Variants in NKAIN2 observed in about 807,000 individuals in gnomAD.
NKAIN2 encodes sodium/potassium-transporting ATPase subunit beta-1-interacting protein 2.
In NKAIN2, 14 loss-of-function variants were observed where a neutral mutation model predicts 32.6. The ratio of observed to expected loss-of-function variants is 0.43; its 90% CI spans 0.28 to 0.67. NKAIN2 has a LOEUF of 0.67. NKAIN2 is among the 30% of genes least tolerant of loss of function. The pLI is 0.17. For missense variants in NKAIN2, 198 were observed against 258.3 expected, an observed-to-expected ratio of 0.77 and a Z score of 1.60; for synonymous variants, 80 against 87.2, an observed-to-expected ratio of 0.92 and a Z score of 0.46.
intron 1 of NKAIN2, among the ~76,000 whole-genome samples, chr6:123,815,154 A>G (rs1226074171): frequency 3.3e-5 from 5 of 152,222 alleles, no homozygotes; most frequent in Admixed American, 2.0e-4. Flanking sequence ...AGTGGTTTTA[A>G]TAATTCAAGA....
chr6:124,322,800 T>C (rs897843696), intron 2 of NKAIN2, among the ~76,000 whole-genome samples: 3 of 152,204 alleles, frequency 2.0e-5, no homozygotes, highest in Non-Finnish European at 2.9e-5. Flanking sequence ...GCATATCATA[T>C]GGTCAGTAGG....
At chr6:124,505,583 G>A (rs909233249) in intron 3 of NKAIN2, among the ~76,000 whole-genome samples, 4 of 152,154 alleles carry the variant, frequency 2.6e-5, no homozygotes, top group African/African-American at 7.2e-5. Context: ...AAATATGTTC[G>A]AAGGTCAGTA....
intron 3 of NKAIN2, among the ~76,000 whole-genome samples, chr6:124,585,549 C>T (rs911055614): frequency 7.2e-5 from 11 of 152,044 alleles, no homozygotes; most frequent in Non-Finnish European, 1.3e-4. Context: ...ATCTCATGTA[C>T]TCTGTAAATA....
chr6:124,136,777 G>A (rs1179454063), intron 1 of NKAIN2, among the ~76,000 whole-genome samples: 1 of 152,144 alleles, frequency 6.6e-6, no homozygotes, highest in African/African-American at 2.4e-5. Flanking sequence ...CTCAATAGAT[G>A]TAGAGAAAGT....
intron 1 of NKAIN2, among the ~76,000 whole-genome samples, chr6:124,106,166 A>T (rs761943554): frequency 6.6e-6 from 1 of 152,188 alleles, no homozygotes; most frequent in Non-Finnish European, 1.5e-5. Context: ...GACTGTGTTT[A>T]AATGATTTAT....
intron 1 of NKAIN2, among the ~76,000 whole-genome samples, chr6:123,854,520 ATTAG>A (rs750138458): frequency 6.6e-6 from 1 of 152,178 alleles, no homozygotes; most frequent in African/African-American, 2.4e-5. Flanking sequence ...AATTTTTATT[ATTAG>A]TTAAATAATA....
At chr6:124,004,080 T>G (rs1779980419) in intron 1 of NKAIN2, among the ~76,000 whole-genome samples, 1 of 152,246 alleles carries the variant, frequency 6.6e-6, no homozygotes, top group Non-Finnish European at 1.5e-5. Context: ...TAGCATGTGC[T>G]AATTATTTTC....
At chr6:124,724,415 C>T (rs974990044) in intron 4 of NKAIN2, among the ~76,000 whole-genome samples, 1 of 152,210 alleles carries the variant, frequency 6.6e-6, no homozygotes, top group African/African-American at 2.4e-5. Context: ...CTCTTATTCA[C>T]CATTCAGTGC....
At position 124,476,079 on chromosome 6, in the gene NKAIN2, T is replaced by A. The variant is rs1020527336; in HGVS notation, c.273+120732T>A. On this transcript the variant is annotated intron_variant, in intron 3 of 6. Transcript: ENST00000368417. ...GAGAGAGAGAGAGTGTGTGTGTGTGTGTGTGTGTGTGTGTGTGTGCGTGCG... is the reference window on the plus strand; with the variant it reads ...GAGAGAGAGAGAGTGTGTGTGTGTGAGTGTGTGTGTGTGTGTGTGCGTGCG... Among the ~76,000 whole-genome samples the A allele has an allele frequency of 3.0e-3, 442 of 149,790 alleles. 3 individuals carry two copies. Among genetic ancestry groups the A allele is most frequent in the African/African-American group, 0.011 (432 of 39,782 alleles).
chr6:124,370,025 AAG>A (rs1414712389), intron 3 of NKAIN2, among the ~76,000 whole-genome samples: 1 of 151,668 alleles, frequency 6.6e-6, no homozygotes, highest in Non-Finnish European at 1.5e-5. Flanking sequence ...TTGGCAAAGA[AAG>A]AGCAAACAAG....
chr6:124,662,911 A>G (rs1784799168), intron 4 of NKAIN2, among the ~76,000 whole-genome samples: 1 of 152,164 alleles, frequency 6.6e-6, no homozygotes, highest in South Asian at 2.1e-4. Context: ...CACGTTTTAC[A>G]TGTTAAATCT....
At chr6:124,239,159 G>A (rs374862712) in intron 1 of NKAIN2, among the ~76,000 whole-genome samples, 184 of 152,098 alleles carry the variant, frequency 1.2e-3, no homozygotes, top group African/African-American at 4.2e-3. Context: ...AAAAGGAAGG[G>A]CATTACATAA....
intron 2 of NKAIN2, among the ~76,000 whole-genome samples, chr6:124,330,729 G>A (rs1797616650): frequency 6.6e-6 from 1 of 152,198 alleles, no homozygotes; most frequent in African/African-American, 2.4e-5. Flanking sequence ...GCTATGGACT[G>A]GTACTGGTCT....
At chr6:124,493,592 T>C (rs1293113402) in intron 3 of NKAIN2, among the ~76,000 whole-genome samples, 1 of 151,834 alleles carries the variant, frequency 6.6e-6, no homozygotes, top group Non-Finnish European at 1.5e-5. Context: ...TATCTTTTCT[T>C]TGTACTTCTT....
intron 1 of NKAIN2, among the ~76,000 whole-genome samples, chr6:124,161,966 AAAAT>A (rs1159936115): frequency 6.6e-6 from 1 of 152,120 alleles, no homozygotes. Context: ...AAAAATAAAT[AAAAT>A]AAAATAATGA....
intron 1 of NKAIN2, among the ~76,000 whole-genome samples, chr6:124,052,183 A>G (rs1297716178): frequency 6.6e-6 from 1 of 152,110 alleles, no homozygotes; most frequent in South Asian, 2.1e-4. Context: ...TGACCATGTT[A>G]TAGATGAAGA....
intron 3 of NKAIN2, among the ~76,000 whole-genome samples, chr6:124,479,709 T>G (rs936924240): frequency 6.6e-6 from 1 of 152,206 alleles, no homozygotes; most frequent in African/African-American, 2.4e-5. Flanking sequence ...TAATTTGTAT[T>G]TGTTTGTTTA....
chr6:124,525,474 T>C (rs1779276716), intron 3 of NKAIN2, among the ~76,000 whole-genome samples: 1 of 152,160 alleles, frequency 6.6e-6, no homozygotes. Flanking sequence ...ATATAACTTT[T>C]AATTTAATGA....
At chr6:124,421,137 C>G (rs1774732837) in intron 3 of NKAIN2, among the ~76,000 whole-genome samples, 3 of 150,652 alleles carry the variant, frequency 2.0e-5, no homozygotes, top group Admixed American at 2.0e-4. Flanking sequence ...GAAGAAATAT[C>G]CTGAGTGATT....
Sources: allele counts gnomAD v4.1 joint callset (sites outside exome capture counted in the v4.1 genomes callset), GRCh38; gene constraint gnomAD v4.1.1; transcripts MANE v1.5; gene names NCBI Gene and HGNC (gene_info 2026-07-23, HGNC 2026-07-21).